ARHGEF10: variants seen among roughly 807,000 people sequenced by gnomAD.
ARHGEF10 encodes the protein Rho guanine nucleotide exchange factor (GEF) 10.
Under a neutral mutation model 147.4 loss-of-function variants are expected in ARHGEF10, and 140 were observed. That is an observed-to-expected ratio of 0.95 (90% CI 0.83 to 1.09). ARHGEF10 has a LOEUF of 1.09. ARHGEF10 is among the 50% of genes least tolerant of loss of function. The pLI is 0.00. For synonymous variants in ARHGEF10, 902 were observed against 695.8 expected (o/e 1.30, Z -4.67); for missense variants, 2,222 against 1,752.7 (o/e 1.27, Z -4.78).
chr8:1,927,313 G>C (rs542613940), intron 23 of ARHGEF10: 1 of 152,356 alleles, frequency 6.6e-6, no homozygotes, highest in East Asian at 1.9e-4. Context: ...CAGGACAGGG[G>C]CTTGGCAGAT....
At chr8:1,894,595 A>T in intron 13 of ARHGEF10, 23 bp downstream of exon 13, 1 of 1,611,202 alleles carries the variant, frequency 6.2e-7, no homozygotes, top group East Asian at 2.2e-5. Flanking sequence ...GGACACCTGG[A>T]TGTCCATGGG....
chr8:1,828,533 A>G (rs1284231789), intron 1 of ARHGEF10, among the ~76,000 whole-genome samples: 6 of 146,178 alleles, frequency 4.1e-5, no homozygotes, highest in African/African-American at 1.3e-4. Context: ...AAACCGTGGC[A>G]TGCACACTTA....
intron 22 of ARHGEF10, 114 bp from the exon 23 acceptor site, chr8:1,926,263 C>T (rs765831427): frequency 4.2e-5 from 36 of 859,898 alleles, no homozygotes; most frequent in Non-Finnish European, 5.5e-5. Context: ...GGTAATGAAC[C>T]TGTAATTTCT....
chr8:1,889,515 G>T, intron 11 of ARHGEF10, among the ~76,000 whole-genome samples: 1 of 79,376 alleles, frequency 1.3e-5, no homozygotes, highest in African/African-American at 6.2e-5. Flanking sequence ...ACACTGAGTG[G>T]GGTGAGGGGT....
rs1308672660 is a variant in ARHGEF10 at position 1,898,482 on chromosome 8, T to C, written c.1607T>C (p.Met536Thr). Residue 536 changes from methionine (M) to threonine (T), a missense_variant, in exon 15 of 29, where the codon ATG becomes ACG. By Grantham distance (81) the Met-to-Thr change is moderately conservative. Transcript: ENST00000349830. ...PDRTTLYSLM[M>T]KPIQRFPQFI... ...CGAACCACGCTCTACAGCCTGATGA[T>C]GAAGCCCATCCAGAGGTTCCCACAG... is the stretch of plus-strand genomic sequence containing the variant. The C allele has an allele frequency of 3.1e-6, 5 of 1,614,022 alleles. No homozygotes were observed. Among genetic ancestry groups the C allele is most frequent in the Non-Finnish European group, 2.5e-6 (3 of 1,180,036 alleles).
chr8:1,917,313 GT>G (rs1811832815), intron 18 of ARHGEF10, among the ~76,000 whole-genome samples: 1 of 152,222 alleles, frequency 6.6e-6, no homozygotes, highest in South Asian at 2.1e-4. Context: ...GTGAAAAACA[GT>G]TTTGTACATT....
At chr8:1,836,508 A>C (rs1166421876) in intron 1 of ARHGEF10, among the ~76,000 whole-genome samples, 1 of 152,146 alleles carries the variant, frequency 6.6e-6, no homozygotes, top group Non-Finnish European at 1.5e-5. Flanking sequence ...GACTGCACAC[A>C]GAAGACAGGC....
intron 2 of ARHGEF10, among the ~76,000 whole-genome samples, chr8:1,845,123 G>A (rs545681525): frequency 6.6e-6 from 1 of 152,180 alleles, no homozygotes; most frequent in Non-Finnish European, 1.5e-5. Context: ...TGGGTGGTGG[G>A]ACTGAGACCC....
At chr8:1,833,914 G>A (rs1320549947) in intron 1 of ARHGEF10, among the ~76,000 whole-genome samples, 1 of 152,218 alleles carries the variant, frequency 6.6e-6, no homozygotes, top group African/African-American at 2.4e-5. Context: ...CATTGTTGGG[G>A]AGCCGTGTCG....
rs1453276706 is a variant in ARHGEF10 at position 1,898,473 on chromosome 8, G to T, written c.1598G>T (p.Ser533Ile). 7 of 1,614,152 alleles carry T rather than the reference G, an allele frequency of 4.3e-6. No individual in the cohort carries two copies. Among genetic ancestry groups the T allele is most frequent in the African/African-American group, 1.3e-5 (1 of 75,050 alleles). ...AGCCCCGATCGAACCACGCTCTACA[G>T]CCTGATGATGAAGCCCATCCAGAGG... ...EASPDRTTLY[S>I]LMMKPIQRFP... is the part of the protein sequence containing the mutation. Residue 533 changes from serine to isoleucine, a missense_variant, in exon 15 of 29, where the codon AGC (serine) becomes ATC (isoleucine). Coordinates refer to ENST00000349830, the MANE Select transcript of ARHGEF10 (RefSeq NM_014629.4).
chr8:1,938,547 C>G (rs988933709), intron 26 of ARHGEF10, among the ~76,000 whole-genome samples: 1 of 152,280 alleles, frequency 6.6e-6, no homozygotes, highest in East Asian at 1.9e-4. Flanking sequence ...TAAAGATGAC[C>G]TAAATAGTGC....
At chr8:1,910,891 T>C (rs1811306304) in intron 18 of ARHGEF10, among the ~76,000 whole-genome samples, 1 of 152,230 alleles carries the variant, frequency 6.6e-6, no homozygotes, top group African/African-American at 2.4e-5. Flanking sequence ...TAAAATAGTA[T>C]GTATTCCATG....
At position 1,856,689 on chromosome 8, in the gene ARHGEF10, C is replaced by T. The variant is rs115282203; in HGVS notation, c.38-1271C>T. On this transcript the variant is annotated intron_variant, in intron 2 of 28. Transcript: ENST00000349830. ...GGAGCTGCCTGCAGCCGAGCTGGGC[C>T]GTCCTGCTTGGGTGCATCTCCCTGG... Among the ~76,000 whole-genome samples the T allele has an allele frequency of 4.7e-3, 722 of 152,284 alleles. 4 individuals carry two copies. The highest frequency in any genetic ancestry group is 0.016 in the African/African-American group (679 of 41,552).
chr8:1,861,260 G>A (rs531831244), intron 4 of ARHGEF10, among the ~76,000 whole-genome samples: 12 of 152,310 alleles, frequency 7.9e-5, no homozygotes, highest in Non-Finnish European at 1.6e-4. Context: ...GTGTAGTCAC[G>A]CACCAGCTGT....
chr8:1,843,877 C>T (rs75442942), intron 2 of ARHGEF10, among the ~76,000 whole-genome samples: 2,110 of 152,272 alleles, frequency 0.014, 26 homozygotes, highest in East Asian at 0.056. Context: ...GGGACAAGCA[C>T]GCCCTCTCTA....
chr8:1,957,066 A>G lies in ARHGEF10; in HGVS notation c.3838A>G (p.Thr1280Ala), dbSNP rs763511253. 1 of 1,613,720 alleles carries G rather than the reference A, an allele frequency of 6.2e-7. No individual in the cohort carries two copies. The highest frequency in any genetic ancestry group is 2.2e-5 in the East Asian group (1 of 44,864). The stretch of plus-strand genomic sequence containing the variant: ...TCTAGAGCACAGATCAGAGGACAGC[A>G]CCATCTATGATCTCCTGAAGGATCC... ...SSLEHRSEDS[T>A]IYDLLKDPVS... The change falls in exon 29 of 29, where the codon ACC (threonine) becomes GCC (alanine). Residue 1280 changes from threonine to alanine, a missense_variant. Coordinates refer to ENST00000349830, the MANE Select transcript of ARHGEF10 (RefSeq NM_014629.4).
At chr8:1,930,053 C>G (rs947099078) in intron 25 of ARHGEF10, among the ~76,000 whole-genome samples, 1 of 152,150 alleles carries the variant, frequency 6.6e-6, no homozygotes, top group Non-Finnish European at 1.5e-5. Context: ...ATCTGGCCGC[C>G]GCTGCTTGTG....
chr8:1,848,639 A>G (rs1349300274), intron 2 of ARHGEF10, among the ~76,000 whole-genome samples: 1 of 152,264 alleles, frequency 6.6e-6, no homozygotes, highest in East Asian at 1.9e-4. Context: ...AAATTGGGTA[A>G]TTAAAAAAAT....
intron 18 of ARHGEF10, among the ~76,000 whole-genome samples, chr8:1,913,102 A>G (rs1165358527): frequency 6.6e-6 from 1 of 151,162 alleles, no homozygotes; most frequent in African/African-American, 2.4e-5. Context: ...AAGCGCTCCT[A>G]GTTCTCGAGG....
Sources: gnomAD v4.1 joint callset for allele counts (sites outside exome capture counted in the v4.1 genomes callset) on GRCh38, gnomAD v4.1.1 for gene constraint, MANE v1.5 for transcripts, NCBI Gene and HGNC (gene_info 2026-07-23, HGNC 2026-07-21) for gene names.